GMDS: variants seen among roughly 807,000 people sequenced by gnomAD.
GMDS encodes GDP-mannose 4,6-dehydratase, also known as GDP-mannose 4,6 dehydratase.
GMDS carries 20 observed loss-of-function variants against 49.9 expected under a neutral mutation model. The ratio of observed to expected loss-of-function variants is 0.40; its 90% CI spans 0.28 to 0.58. The LOEUF is 0.58. Ranked by LOEUF, GMDS falls within the 20% of genes least tolerant of loss-of-function variation. GMDS has a pLI of 0.42. For synonymous variants in GMDS, 177 were observed against 178.6 expected (o/e 0.99, Z 0.07); for missense variants, 362 against 481.4 (o/e 0.75, Z 2.32).
chr6:1,937,720 C>G (rs1172422330), intron 6 of GMDS, among the ~76,000 whole-genome samples: 1 of 152,192 alleles, frequency 6.6e-6, no homozygotes, highest in Non-Finnish European at 1.5e-5. Flanking sequence ...TAGGGCCCAC[C>G]TTGGTAATCC....
intron 4 of GMDS, among the ~76,000 whole-genome samples, chr6:1,975,053 C>G (rs938849922): frequency 7.4e-5 from 11 of 148,728 alleles, no homozygotes; most frequent in Non-Finnish European, 1.5e-5. Context: ...AAAAACAAAA[C>G]AAAACAGGGT....
chr6:1,999,959 TTA>T (rs796484383), intron 4 of GMDS, among the ~76,000 whole-genome samples: 182 of 12,396 alleles, frequency 0.015, 2 homozygotes, highest in Middle Eastern at 0.026. Context: ...AATATGTATA[TTA>T]TATATATATT....
chr6:1,778,266 A>AG lies in GMDS; in HGVS notation c.772-35681dup, dbSNP rs536608975. On this transcript the variant is annotated intron_variant, in intron 7 of 10. Coordinates refer to ENST00000380815, the MANE Select transcript of GMDS (RefSeq NM_001500.4). The surrounding 1 kb of genome is among the most constrained non-coding windows in gnomAD (Gnocchi z 4.6). The stretch of plus-strand genomic sequence containing the variant: ...TAACTTTGCTGGATTCTGTTACACT[A>AG]GGGCCTCTGTGACCCCTAGGTCAAA... Among the ~76,000 whole-genome samples the AG allele has an allele frequency of 5.9e-5, 9 of 152,302 alleles. No homozygotes were observed. In the East Asian group the frequency reaches 9.7e-4, roughly 16 times the overall value.
At chr6:2,203,106 A>G (rs1418193628) in intron 1 of GMDS, among the ~76,000 whole-genome samples, 1 of 152,212 alleles carries the variant, frequency 6.6e-6, no homozygotes, top group Non-Finnish European at 1.5e-5. Flanking sequence ...TCAAATTGCC[A>G]ACATAAATTA....
chr6:1,923,911 A>G (rs1035637376), intron 7 of GMDS, among the ~76,000 whole-genome samples: 1 of 152,196 alleles, frequency 6.6e-6, no homozygotes, highest in East Asian at 1.9e-4. Flanking sequence ...TCTGTAACCT[A>G]TGTACCCTTC....
chr6:2,189,128 T>C (rs1015471008), intron 1 of GMDS, among the ~76,000 whole-genome samples: 1 of 151,742 alleles, frequency 6.6e-6, no homozygotes, highest in Non-Finnish European at 1.5e-5. Context: ...AATAAAAACA[T>C]GGACAGGAAA....
rs527287555 is a variant in GMDS, at chr6:1,749,556, G to GCACTC, written c.772-6975_772-6971dup. On this transcript the variant is annotated intron_variant, in intron 7 of 10. Coordinates refer to ENST00000380815, the MANE Select transcript of GMDS (RefSeq NM_001500.4). ...GGCAGTGAGCTGAGATCATGCCACT[G>GCACTC]CACTCCAGCATGGGTGACAGAGACT... Among the ~76,000 whole-genome samples the GCACTC allele has an allele frequency of 2.8e-3, 420 of 151,052 alleles. 1 individual carries two copies. The highest frequency in any genetic ancestry group is 4.9e-3 in the Admixed American group (74 of 15,170).
intron 7 of GMDS, among the ~76,000 whole-genome samples, chr6:1,849,585 G>C (rs369991267): frequency 2.0e-5 from 3 of 152,306 alleles, no homozygotes; most frequent in African/African-American, 7.2e-5. Flanking sequence ...AATAACCTGT[G>C]AATACCCAGT....
intron 9 of GMDS, among the ~76,000 whole-genome samples, chr6:1,707,701 C>A (rs575901897): frequency 2.0e-4 from 30 of 152,268 alleles, no homozygotes; most frequent in African/African-American, 7.0e-4. Context: ...CACACACAGG[C>A]CTGGGAGGAG....
At chr6:1,760,620 C>G (rs1002638583) in intron 7 of GMDS, among the ~76,000 whole-genome samples, 1 of 152,178 alleles carries the variant, frequency 6.6e-6, no homozygotes, top group Non-Finnish European at 1.5e-5. Flanking sequence ...GGACATGCAC[C>G]GTCTTTGTAA....
rs183644785 is a variant in GMDS at position 1,842,821 on chromosome 6, T to C, written c.771+87282A>G. Among the ~76,000 whole-genome samples the C allele has an allele frequency of 4.5e-3, 686 of 152,246 alleles. 3 individuals are homozygous for C. Among genetic ancestry groups the C allele is most frequent in the Non-Finnish European group, 7.6e-3 (514 of 68,002 alleles). On this transcript the variant is annotated intron_variant, in intron 7 of 10. Coordinates refer to ENST00000380815, the MANE Select transcript of GMDS (RefSeq NM_001500.4). ...AGAGGCTCACATTGTATATTTTAAA[T>C]AAGAAAATTTCAGCCAGGAGCCGTG...
At chr6:1,938,269 T>C (rs1205963431) in intron 6 of GMDS, among the ~76,000 whole-genome samples, 3 of 152,204 alleles carry the variant, frequency 2.0e-5, no homozygotes, top group Non-Finnish European at 4.4e-5. Flanking sequence ...TTCTTATAAT[T>C]TCAGACTGAA....
At chr6:2,052,131 G>GAAAAAAAAAAAAAAAAAA (rs576035823) in intron 4 of GMDS, among the ~76,000 whole-genome samples, 1 of 99,650 alleles carries the variant, frequency 1.0e-5, no homozygotes, top group Non-Finnish European at 2.1e-5. Context: ...AAAAAAAAAA[G>GAAAAAAAAAAAAAAAAAA]AAAAAAAAAA....
intron 4 of GMDS, among the ~76,000 whole-genome samples, chr6:2,097,677 C>T (rs985503220): frequency 1.3e-5 from 2 of 151,176 alleles, no homozygotes; most frequent in Non-Finnish European, 2.9e-5. Flanking sequence ...AAGGGAGAGG[C>T]CACGGGAAGA....
rs117542538 is a variant in GMDS at position 2,004,565 on chromosome 6, T to G, written c.346-43599A>C. 2.9e-3 allele frequency among the ~76,000 whole-genome samples: 445 copies of G among 152,298 alleles called. 5 individuals carry two copies. In the East Asian group the frequency reaches 0.04, roughly 14 times the overall value. ...GGAAGTCTGACAGCTCATAGTTGCT[T>G]AACACAGGGGAGCTTGATACAAAGA... On this transcript the variant is annotated intron_variant, in intron 4 of 10. Transcript: ENST00000380815.
intron 7 of GMDS, among the ~76,000 whole-genome samples, chr6:1,840,730 C>G (rs373922943): frequency 5.3e-5 from 8 of 152,272 alleles, no homozygotes; most frequent in African/African-American, 1.4e-4. Context: ...AATCCAGAAG[C>G]CTGCTTTCTC....
At chr6:2,088,516 T>C (rs1260408990) in intron 4 of GMDS, among the ~76,000 whole-genome samples, 1 of 152,208 alleles carries the variant, frequency 6.6e-6, no homozygotes, top group Non-Finnish European at 1.5e-5. Flanking sequence ...AGTCTCGAAA[T>C]TCCTTAAGTC....
rs569767871 is a variant in GMDS at position 2,094,177 on chromosome 6, G to A, written c.345+21594C>T. 5.3e-5 allele frequency among the ~76,000 whole-genome samples: 8 copies of A among 152,348 alleles called. No individual in the cohort carries two copies. In the East Asian group the frequency reaches 1.3e-3, roughly 26 times the overall value. On this transcript the variant is annotated intron_variant, in intron 4 of 10. Transcript: ENST00000380815. ...ACTGTCCTGTGCACTACATGTGACA[G>A]TGAGGCAGACACACACTGAGAAACA...
chr6:1,727,133 A>G (rs953321949), intron 8 of GMDS, among the ~76,000 whole-genome samples: 1 of 152,098 alleles, frequency 6.6e-6, no homozygotes, highest in Non-Finnish European at 1.5e-5. Context: ...CTGCTGAGTG[A>G]GGGTATATCA....
Sources: allele counts gnomAD v4.1 joint callset (sites outside exome capture counted in the v4.1 genomes callset), GRCh38; gene constraint gnomAD v4.1.1; non-coding constraint Gnocchi (gnomAD v3.1); transcripts MANE v1.5; gene names NCBI Gene and HGNC (gene_info 2026-07-23, HGNC 2026-07-21).